Variants in PXDNL observed in about 807,000 individuals in gnomAD.
PXDNL encodes peroxidasin like, also known as probable oxidoreductase PXDNL.
PXDNL carries 145 observed loss-of-function variants against 150.8 expected under a neutral mutation model. The observed-to-expected ratio is 0.96, with a 90% CI of 0.84 to 1.10. The LOEUF is 1.10. Among genes scored for constraint, PXDNL ranks in the 50% least tolerant of loss-of-function variants. The pLI is 0.00. For synonymous variants in PXDNL, 757 were observed against 725.7 expected, an observed-to-expected ratio of 1.04 and a Z score of -0.69; for missense variants, 2,087 against 1,873.9, an observed-to-expected ratio of 1.11 and a Z score of -2.10.
At chr8:51,570,055 C>G (rs1358888739) in intron 3 of PXDNL, among the ~76,000 whole-genome samples, 2 of 151,952 alleles carry the variant, frequency 1.3e-5, no homozygotes, top group African/African-American at 4.8e-5. Flanking sequence ...TTACACCCAG[C>G]CTCAGGCTGC....
chr8:51,342,579 A>G (rs77633078), intron 20 of PXDNL, among the ~76,000 whole-genome samples: 2,681 of 152,296 alleles, frequency 0.018, 53 homozygotes, highest in African/African-American at 0.06. Context: ...AGTCTCAAAC[A>G]AACATGAATG....
rs1171824599 is a variant in PXDNL, at chr8:51,431,395, C to T, written c.1526-4637G>A. The stretch of plus-strand genomic sequence containing the variant: ...TCTTCGAAAACAAAAACATTCTCTG[C>T]TCATGGCACTTCTATACCCTTTATT... On this transcript the variant is annotated intron_variant, in intron 12 of 22. Transcript: ENST00000356297. Among the ~76,000 whole-genome samples the T allele has an allele frequency of 3.9e-5, 6 of 152,172 alleles. No homozygotes were observed. In the East Asian group the frequency reaches 5.8e-4, roughly 15 times the overall value.
At chr8:51,358,470 G>A (rs991544037) in intron 19 of PXDNL, among the ~76,000 whole-genome samples, 2 of 152,182 alleles carry the variant, frequency 1.3e-5, no homozygotes, top group African/African-American at 4.8e-5. Context: ...CCCCATAATA[G>A]TGTGTAAAAA....
At chr8:51,735,538 T>TC (rs1563304287) in intron 1 of PXDNL, among the ~76,000 whole-genome samples, 1 of 109,862 alleles carries the variant, frequency 9.1e-6, no homozygotes, top group Admixed American at 8.4e-5. Flanking sequence ...TTTTTTTTTT[T>TC]TTTTTTTTTT....
At chr8:51,543,940 T>C (rs1429476792) in intron 4 of PXDNL, among the ~76,000 whole-genome samples, 1 of 152,052 alleles carries the variant, frequency 6.6e-6, no homozygotes, top group African/African-American at 2.4e-5. Context: ...AGGCAGAAAT[T>C]GTAGATGAGG....
intron 4 of PXDNL, among the ~76,000 whole-genome samples, chr8:51,505,325 G>A (rs1221714589): frequency 1.5e-5 from 2 of 129,060 alleles, no homozygotes; most frequent in South Asian, 2.4e-4. Context: ...CTCAGTGTGA[G>A]AAGTTGCTGG....
intron 1 of PXDNL, among the ~76,000 whole-genome samples, chr8:51,770,020 T>C (rs1470644203): frequency 6.6e-6 from 1 of 152,212 alleles, no homozygotes; most frequent in Non-Finnish European, 1.5e-5. Flanking sequence ...ATGCATCCCA[T>C]GAAGAGCTAT....
chr8:51,606,549 A>C (rs192845865), intron 2 of PXDNL, among the ~76,000 whole-genome samples: 1 of 152,336 alleles, frequency 6.6e-6, no homozygotes, highest in Non-Finnish European at 1.5e-5. Flanking sequence ...GCAGAGTTTT[A>C]AAGAAGTTCA....
At chr8:51,623,539 T>C (rs1814300922) in intron 2 of PXDNL, among the ~76,000 whole-genome samples, 1 of 152,292 alleles carries the variant, frequency 6.6e-6, no homozygotes, top group Non-Finnish European at 1.5e-5. Context: ...TAGCATGTAA[T>C]TATGCATTCT....
At chr8:51,592,733 T>G in intron 2 of PXDNL, 35 bp from the exon 3 acceptor site, 1 of 1,437,320 alleles carries the variant, frequency 7.0e-7, no homozygotes, top group Non-Finnish European at 9.5e-7. Flanking sequence ...AATTCCCAAA[T>G]GAGAAACAGA....
At chr8:51,583,337 G>T (rs1813251946) in intron 3 of PXDNL, among the ~76,000 whole-genome samples, 1 of 152,120 alleles carries the variant, frequency 6.6e-6, no homozygotes, top group African/African-American at 2.4e-5. Context: ...CATCACATAT[G>T]GAGAAAGGAA....
At chr8:51,808,296 G>A (rs1383202617) in intron 1 of PXDNL, among the ~76,000 whole-genome samples, 1 of 152,056 alleles carries the variant, frequency 6.6e-6, no homozygotes, top group African/African-American at 2.4e-5. Context: ...TTATAGAGCA[G>A]GAAACCTCTT....
intron 2 of PXDNL, among the ~76,000 whole-genome samples, chr8:51,597,821 T>A (rs1813608387): frequency 6.6e-6 from 1 of 152,004 alleles, no homozygotes; most frequent in Non-Finnish European, 1.5e-5. Context: ...TTCAAGCAAT[T>A]CTCCTGCCTC....
intron 17 of PXDNL, among the ~76,000 whole-genome samples, chr8:51,399,659 C>G (rs1244888961): frequency 6.6e-6 from 1 of 152,122 alleles, no homozygotes; most frequent in Non-Finnish European, 1.5e-5. Context: ...GTAATGATTA[C>G]AGAGGTATGA....
At chr8:51,394,786 G>A (rs1179018459) in intron 17 of PXDNL, among the ~76,000 whole-genome samples, 1 of 152,146 alleles carries the variant, frequency 6.6e-6, no homozygotes, top group Non-Finnish European at 1.5e-5. Flanking sequence ...TCTCAAAAAT[G>A]CCCTGGGGTA....
chr8:51,336,314 T>G (rs2130663828), intron 21 of PXDNL, among the ~76,000 whole-genome samples: 1 of 152,368 alleles, frequency 6.6e-6, no homozygotes. Context: ...TTCACAGGAC[T>G]TACTGCATCC....
chr8:51,737,290 AC>A (rs1817057966), intron 1 of PXDNL, among the ~76,000 whole-genome samples: 1 of 152,238 alleles, frequency 6.6e-6, no homozygotes, highest in Non-Finnish European at 1.5e-5. Flanking sequence ...AGTAAGAATG[AC>A]ATCGGATTTT....
chr8:51,738,593 A>G (rs1163652964), intron 1 of PXDNL, among the ~76,000 whole-genome samples: 1 of 151,990 alleles, frequency 6.6e-6, no homozygotes, highest in African/African-American at 2.4e-5. Flanking sequence ...CTCTATGGGA[A>G]TACTACAAAC....
intron 1 of PXDNL, among the ~76,000 whole-genome samples, chr8:51,714,300 C>T (rs1455789494): frequency 6.6e-6 from 1 of 152,162 alleles, no homozygotes; most frequent in Non-Finnish European, 1.5e-5. Context: ...TTAATGAATT[C>T]AAGACATCAT....
Sources: gnomAD v4.1 joint callset for allele counts (sites outside exome capture counted in the v4.1 genomes callset) on GRCh38, gnomAD v4.1.1 for gene constraint, MANE v1.5 for transcripts, NCBI Gene and HGNC (gene_info 2026-07-23, HGNC 2026-07-21) for gene names.